The following VEPH1 variants were observed in gnomAD, a reference collection of about 807,000 sequenced individuals.
VEPH1 encodes the protein ventricular zone expressed PH domain containing 1, also known as ventricular zone-expressed PH domain-containing protein homolog 1.
A neutral mutation model predicts 85.2 loss-of-function variants in VEPH1; 80 were observed. The observed-to-expected ratio is 0.94, with a 90% CI of 0.78 to 1.13. VEPH1 has a LOEUF of 1.13. Among genes scored for constraint, VEPH1 ranks in the 50% most tolerant of loss-of-function variants. VEPH1 has a pLI of 0.00. For synonymous variants in VEPH1, 297 were observed against 348.0 expected, an observed-to-expected ratio of 0.85 and a Z score of 1.63; for missense variants, 955 against 980.5, an observed-to-expected ratio of 0.97 and a Z score of 0.35.
chr3:157,414,204 C>T, intron 5 of VEPH1, 114 bp from the exon 6 acceptor site: 1 of 728,302 alleles, frequency 1.4e-6, no homozygotes, highest in Non-Finnish European at 2.2e-6. Flanking sequence ...GAACTCAACA[C>T]ATTCTGGGAT....
chr3:157,272,379 CTTT>C (rs1714767241), intron 12 of VEPH1, among the ~76,000 whole-genome samples: 2 of 47,222 alleles, frequency 4.2e-5, no homozygotes, highest in Non-Finnish European at 8.0e-5. Flanking sequence ...TCTTTCTTTT[CTTT>C]CTTTCTTTCT....
At chr3:157,490,304 G>C (rs1361437883) in intron 2 of VEPH1, among the ~76,000 whole-genome samples, 1 of 151,850 alleles carries the variant, frequency 6.6e-6, no homozygotes, top group Non-Finnish European at 1.5e-5. Flanking sequence ...CAAGGTAAGA[G>C]ATAAACTGTG....
At chr3:157,322,084 C>A (rs911407676) in intron 9 of VEPH1, among the ~76,000 whole-genome samples, 1 of 152,088 alleles carries the variant, frequency 6.6e-6, no homozygotes, top group Non-Finnish European at 1.5e-5. Context: ...CTAGTTGAAA[C>A]CCTATACCCA....
chr3:157,450,748 C>T (rs1025624656), intron 4 of VEPH1, among the ~76,000 whole-genome samples: 1 of 152,016 alleles, frequency 6.6e-6, no homozygotes, highest in African/African-American at 2.4e-5. Context: ...CCTCTTTAGT[C>T]TTTTGCAGTG....
chr3:157,415,869 C>G (rs1453361640), intron 5 of VEPH1, among the ~76,000 whole-genome samples: 4 of 152,020 alleles, frequency 2.6e-5, no homozygotes, highest in Admixed American at 6.6e-5. Flanking sequence ...TTCTTGAGGC[C>G]TCAGATGAAC....
chr3:157,304,038 T>TATATATACACAC, intron 11 of VEPH1, among the ~76,000 whole-genome samples: 7 of 96,886 alleles, frequency 7.2e-5, no homozygotes, highest in Non-Finnish European at 9.5e-5. Flanking sequence ...TATATATATA[T>TATATATACACAC]ACACACATAC....
At chr3:157,410,640 T>A (rs1731462073) in intron 6 of VEPH1, among the ~76,000 whole-genome samples, 1 of 152,176 alleles carries the variant, frequency 6.6e-6, no homozygotes, top group Non-Finnish European at 1.5e-5. Context: ...AATTTAGCAT[T>A]CTTTATGGCT....
intron 12 of VEPH1, among the ~76,000 whole-genome samples, chr3:157,280,802 G>A (rs1310389477): frequency 1.3e-5 from 2 of 152,136 alleles, no homozygotes; most frequent in African/African-American, 2.4e-5. Flanking sequence ...AAACAAATTC[G>A]ATTTTTTCCC....
At position 157,413,695 on chromosome 3, in the gene VEPH1, C is replaced by T. The variant is rs573096998; in HGVS notation, c.906+186G>A. 299 of 976,302 alleles carry T rather than the reference C, an allele frequency of 3.1e-4. No individual in the cohort carries two copies. The Middle Eastern group carries it at 3.7e-3, about 12-fold the overall frequency. 60.5% of individuals were successfully genotyped at this position (976,302 alleles called of 1,614,324 possible). A position where few individuals can be genotyped will look rare whatever the true frequency, so the allele number is the denominator to read the frequency against. ...AAGAGAAATTGGGACTCCCAGAAAT[C>T]CCAGGACAAATTTGTATGTCATAGA... On this transcript the variant is annotated intron_variant, in intron 6 of 13. Transcript: ENST00000362010.
intron 11 of VEPH1, among the ~76,000 whole-genome samples, chr3:157,299,040 C>G (rs576518669): frequency 1.2e-4 from 18 of 152,274 alleles, no homozygotes; most frequent in African/African-American, 4.1e-4. Flanking sequence ...CATGACTACT[C>G]GCATTTTAGT....
chr3:157,416,334 C>T (rs6764712), intron 5 of VEPH1, among the ~76,000 whole-genome samples: 1,861 of 151,488 alleles, frequency 0.012, 34 homozygotes, highest in African/African-American at 0.043. Flanking sequence ...GAGATTTAAA[C>T]TTTAGATTCA....
chr3:157,260,905 T>C lies in VEPH1; in HGVS notation c.*229A>G. On this transcript the variant is annotated 3_prime_UTR_variant, in exon 14 of 14. Transcript: ENST00000362010. ...ATACTCTGTAGCTCCTTTTATTTTA[T>C]TTTATTTTTGTGGGCATCAGATATA... 1.8e-6 allele frequency: 1 copy of C among 545,886 alleles called. No individual in the cohort carries two copies. The highest frequency in any genetic ancestry group is 2.3e-5 in the South Asian group (1 of 42,666). The allele number at this position is 545,886 out of a possible 1,614,324, so 33.8% of individuals were successfully genotyped here. A position where few individuals can be genotyped will look rare whatever the true frequency, so the allele number is the denominator to read the frequency against.
chr3:157,316,349 T>TA (rs972375111), intron 10 of VEPH1, among the ~76,000 whole-genome samples: 1 of 151,934 alleles, frequency 6.6e-6, no homozygotes, highest in Non-Finnish European at 1.5e-5. Context: ...ATTTTAAAAA[T>TA]AAAAATACAT....
At chr3:157,305,036 A>ATC (rs1719307763) in intron 11 of VEPH1, among the ~76,000 whole-genome samples, 27 of 139,500 alleles carry the variant, frequency 1.9e-4, no homozygotes, top group African/African-American at 6.2e-4. Context: ...GTGTATTGTT[A>ATC]TATCTATCTA....
chr3:157,347,542 T>A (rs1189931887), intron 9 of VEPH1, among the ~76,000 whole-genome samples: 1 of 152,142 alleles, frequency 6.6e-6, no homozygotes, highest in African/African-American at 2.4e-5. Context: ...CAGCAATGGA[T>A]AAACAGCTAA....
chr3:157,261,096 C>T lies in VEPH1; in HGVS notation c.*38G>A. ...TGACATTGGCAATGATAATACAATG[C>T]CTGTGGTGTATAATTGTCATGGCTG... On this transcript the variant is annotated 3_prime_UTR_variant, in exon 14 of 14. Coordinates refer to ENST00000362010, the MANE Select transcript of VEPH1 (RefSeq NM_001167912.2). 6.2e-7 allele frequency: 1 copy of T among 1,609,914 alleles called. No homozygotes were observed. Among genetic ancestry groups the T allele is most frequent in the Non-Finnish European group, 8.5e-7 (1 of 1,178,124 alleles).
At chr3:157,468,046 T>TTG (rs1736553175) in intron 3 of VEPH1, among the ~76,000 whole-genome samples, 1 of 152,216 alleles carries the variant, frequency 6.6e-6, no homozygotes, top group Non-Finnish European at 1.5e-5. Flanking sequence ...TTGAGAAAGG[T>TTG]AGCATGCTTA....
chr3:157,388,646 A>G (rs527959083), intron 6 of VEPH1, among the ~76,000 whole-genome samples: 1 of 152,322 alleles, frequency 6.6e-6, no homozygotes, highest in East Asian at 1.9e-4. Context: ...TTGGCCCTCC[A>G]TATTGGAGGG....
In VEPH1 at chr3:157,329,488, A is replaced by G. The variant is rs115891171; in HGVS notation, c.1736-12287T>C. On this transcript the variant is annotated intron_variant, in intron 9 of 13. Coordinates refer to ENST00000362010, the MANE Select transcript of VEPH1 (RefSeq NM_001167912.2). ...CATGCTTTACATGATAGAGGTCAAT[A>G]TATCTTTGAAATCTTAGTTTCATTT... Among the ~76,000 whole-genome samples, 646 of 152,332 alleles carry G rather than the reference A, an allele frequency of 4.2e-3. 6 individuals carry two copies. Among genetic ancestry groups the G allele is most frequent in the African/African-American group, 0.015 (618 of 41,576 alleles).
Sources: allele counts gnomAD v4.1 joint callset (sites outside exome capture counted in the v4.1 genomes callset), GRCh38; gene constraint gnomAD v4.1.1; transcripts MANE v1.5; gene names NCBI Gene and HGNC (gene_info 2026-07-23, HGNC 2026-07-21).